The following GNB4 variants were observed in gnomAD, a reference collection of about 807,000 sequenced individuals.
GNB4 encodes the protein G protein subunit beta 4, also known as guanine nucleotide-binding protein subunit beta-4.
Under a neutral mutation model 45.2 loss-of-function variants are expected in GNB4, and 28 were observed. That is an observed-to-expected ratio of 0.62 (90% CI 0.46 to 0.85). GNB4 has a LOEUF of 0.85. GNB4 is among the 40% of genes least tolerant of loss of function. The pLI is 0.00. For synonymous variants in GNB4, 132 were observed against 143.7 expected, an observed-to-expected ratio of 0.92 and a Z score of 0.58; for missense variants, 321 against 425.4, an observed-to-expected ratio of 0.75 and a Z score of 2.16.
intron 1 of GNB4, among the ~76,000 whole-genome samples, chr3:179,442,928 C>A (rs1289054891): frequency 6.6e-6 from 1 of 152,146 alleles, no homozygotes; most frequent in Non-Finnish European, 1.5e-5. Context: ...CCATACCCGG[C>A]AGTTTTGTAT....
chr3:179,502,928 C>G, the GNB4 span, among the ~76,000 whole-genome samples: 3 of 152,202 alleles, frequency 2.0e-5, no homozygotes, highest in Non-Finnish European at 2.9e-5. Context: ...TAACCTCAAA[C>G]CCCTGGGTTC....
intron 1 of GNB4, among the ~76,000 whole-genome samples, chr3:179,430,656 T>A (rs1715284727): frequency 6.7e-6 from 1 of 148,684 alleles, no homozygotes; most frequent in African/African-American, 2.5e-5. Context: ...AGTGTCTTGC[T>A]ATGTTGCCCA....
the GNB4 span, among the ~76,000 whole-genome samples, chr3:179,457,384 T>G: frequency 6.6e-6 from 1 of 152,202 alleles, no homozygotes; most frequent in Non-Finnish European, 1.5e-5. Context: ...TTTTCCCCTT[T>G]GTATAATTAT....
At chr3:179,448,034 G>A (rs1171222493) in intron 1 of GNB4, among the ~76,000 whole-genome samples, 2 of 152,160 alleles carry the variant, frequency 1.3e-5, no homozygotes, top group African/African-American at 4.8e-5. Flanking sequence ...TGGCAAGACT[G>A]ACATCCCTGG....
At chr3:179,526,077 G>A in the GNB4 span, among the ~76,000 whole-genome samples, 1 of 152,218 alleles carries the variant, frequency 6.6e-6, no homozygotes, top group Non-Finnish European at 1.5e-5. Context: ...AGGGAGATAG[G>A]GTGGGGCCGT....
chr3:179,490,143 ACT>A, the GNB4 span, among the ~76,000 whole-genome samples: 1 of 152,330 alleles, frequency 6.6e-6, no homozygotes, highest in South Asian at 2.1e-4. Flanking sequence ...CTATTTTCAG[ACT>A]CTGAAAAATA....
the GNB4 span, among the ~76,000 whole-genome samples, chr3:179,518,422 T>A: frequency 6.6e-6 from 1 of 152,164 alleles, no homozygotes; most frequent in African/African-American, 2.4e-5. Flanking sequence ...CTCCCGCCTG[T>A]CCCCTCAGCC....
At chr3:179,518,437 C>A in the GNB4 span, among the ~76,000 whole-genome samples, 1 of 151,414 alleles carries the variant, frequency 6.6e-6, no homozygotes, top group African/African-American at 2.4e-5. Flanking sequence ...TCAGCCCCAA[C>A]CACAAGTGTC....
chr3:179,519,159 T>C, the GNB4 span, among the ~76,000 whole-genome samples: 3 of 152,214 alleles, frequency 2.0e-5, no homozygotes, highest in South Asian at 2.1e-4. Flanking sequence ...ATATGGCCAC[T>C]GGGTCAAGGA....
chr3:179,446,687 C>T (rs947782512), intron 1 of GNB4, among the ~76,000 whole-genome samples: 1 of 152,146 alleles, frequency 6.6e-6, no homozygotes, highest in Non-Finnish European at 1.5e-5. Context: ...CATCACTCCA[C>T]CAGAGGGCAT....
chr3:179,472,398 G>T, the GNB4 span, among the ~76,000 whole-genome samples: 2 of 129,588 alleles, frequency 1.5e-5, no homozygotes, highest in East Asian at 4.4e-4. Context: ...AAGAGACAGG[G>T]TCTTGCTCTG....
chr3:179,513,933 C>A, the GNB4 span, among the ~76,000 whole-genome samples: 1 of 152,214 alleles, frequency 6.6e-6, no homozygotes. Flanking sequence ...GATCCCTCAA[C>A]CCCTACCTGG....
the GNB4 span, among the ~76,000 whole-genome samples, chr3:179,471,326 C>A: frequency 6.6e-6 from 1 of 152,314 alleles, no homozygotes; most frequent in Middle Eastern, 3.4e-3. Context: ...CACATTCACT[C>A]ACCACTCACT....
chr3:179,424,290 G>GT (rs1560217735), intron 2 of GNB4, among the ~76,000 whole-genome samples: 1 of 152,234 alleles, frequency 6.6e-6, no homozygotes, highest in African/African-American at 2.4e-5. Context: ...AGCATCTGGA[G>GT]TAAGTGACAC....
At chr3:179,466,010 T>G in the GNB4 span, among the ~76,000 whole-genome samples, 2 of 32,612 alleles carry the variant, frequency 6.1e-5, no homozygotes, top group African/African-American at 1.9e-4. Flanking sequence ...TCTAGTCGTT[T>G]TTTTTTTTTT....
the GNB4 span, among the ~76,000 whole-genome samples, chr3:179,517,235 T>C: frequency 6.6e-6 from 1 of 152,206 alleles, no homozygotes; most frequent in Non-Finnish European, 1.5e-5. Flanking sequence ...TTCCTTCTCC[T>C]GGCTCATCCT....
intron 2 of GNB4, among the ~76,000 whole-genome samples, chr3:179,421,795 G>T (rs1301549335): frequency 6.6e-6 from 1 of 152,178 alleles, no homozygotes; most frequent in Non-Finnish European, 1.5e-5. Flanking sequence ...TTCACAAGTA[G>T]TTGCACTAAA....
chr3:179,453,849 GAA>G (rs879792473), upstream of GNB4, among the ~76,000 whole-genome samples: 7 of 134,836 alleles, frequency 5.2e-5, no homozygotes, highest in Non-Finnish European at 9.8e-5. Flanking sequence ...TATTGTTCTG[GAA>G]AAAAAAAAAA....
chr3:179,510,560 G>C, the GNB4 span, among the ~76,000 whole-genome samples: 1 of 152,080 alleles, frequency 6.6e-6, no homozygotes, highest in Non-Finnish European at 1.5e-5. Context: ...AAAGCAGAGG[G>C]GGGAAAAGAT....
Sources: allele counts gnomAD v4.1 joint callset (sites outside exome capture counted in the v4.1 genomes callset), GRCh38; gene constraint gnomAD v4.1.1; transcripts MANE v1.5; gene names NCBI Gene and HGNC (gene_info 2026-07-23, HGNC 2026-07-21).